Variants in SYT6 observed in about 807,000 individuals in gnomAD.
SYT6 encodes synaptotagmin-6.
In SYT6, 24 loss-of-function variants were observed where a neutral mutation model predicts 38.4. The observed-to-expected ratio is 0.62, with a 90% CI of 0.45 to 0.88. SYT6 has a LOEUF of 0.88. Ranked by LOEUF, SYT6 falls within the 40% of genes least tolerant of loss-of-function variation. SYT6 has a pLI of 0.00. For synonymous variants in SYT6, 265 were observed against 241.9 expected (o/e 1.10, Z -0.89); for missense variants, 611 against 621.0 (o/e 0.98, Z 0.17).
At chr1:114,139,580 G>A (rs1678726181) in intron 2 of SYT6, 35 bp downstream of exon 2, 2 of 1,612,790 alleles carry the variant, frequency 1.2e-6, no homozygotes, top group Non-Finnish European at 1.7e-6. Context: ...GTGTGGAGGT[G>A]TGGGGGTCAG....
At chr1:114,115,526 C>T (rs1676942514) in intron 3 of SYT6, among the ~76,000 whole-genome samples, 1 of 151,748 alleles carries the variant, frequency 6.6e-6, no homozygotes, top group Admixed American at 6.6e-5. Context: ...AAGCAATTCT[C>T]CTGCCTCAGC....
At chr1:114,098,743 A>T (rs142982711) in intron 5 of SYT6, among the ~76,000 whole-genome samples, 76 of 152,358 alleles carry the variant, frequency 5.0e-4, no homozygotes, top group African/African-American at 1.8e-3. Context: ...CCAGGGTGAC[A>T]GTAGTAGCAA....
chr1:114,127,156 G>T (rs1309285287), intron 3 of SYT6, among the ~76,000 whole-genome samples: 1 of 152,188 alleles, frequency 6.6e-6, no homozygotes, highest in Non-Finnish European at 1.5e-5. Flanking sequence ...TAGCCCCCTG[G>T]AGCCAAGAAC....
At chr1:114,134,460 C>A (rs1397365830) in intron 3 of SYT6, among the ~76,000 whole-genome samples, 3 of 152,136 alleles carry the variant, frequency 2.0e-5, no homozygotes, top group Non-Finnish European at 4.4e-5. Flanking sequence ...AGGGAAAATA[C>A]AAGAGAAAGT....
At chr1:114,146,798 T>C (rs1679179909) in intron 1 of SYT6, among the ~76,000 whole-genome samples, 1 of 152,246 alleles carries the variant, frequency 6.6e-6, no homozygotes, top group Admixed American at 6.5e-5. Context: ...CTACTAGTTT[T>C]AAACTGTGAC....
intron 3 of SYT6, among the ~76,000 whole-genome samples, chr1:114,117,059 G>A (rs1872477): frequency 0.041 from 6,305 of 152,272 alleles, 571 homozygotes; most frequent in East Asian, 0.38. Context: ...TGCTACAGGA[G>A]TTTTAGTATA....
At chr1:114,136,508 C>A (rs1201472310) in intron 3 of SYT6, among the ~76,000 whole-genome samples, 1 of 152,182 alleles carries the variant, frequency 6.6e-6, no homozygotes, top group African/African-American at 2.4e-5. Flanking sequence ...TACACAGCTT[C>A]CTCAACCCAG....
intron 6 of SYT6, among the ~76,000 whole-genome samples, chr1:114,096,518 G>T (rs1241647407): frequency 6.6e-6 from 1 of 152,140 alleles, no homozygotes; most frequent in Non-Finnish European, 1.5e-5. Flanking sequence ...AACAACTGAG[G>T]TCCTTATCAC....
At chr1:114,116,364 C>A (rs879924395) in intron 3 of SYT6, among the ~76,000 whole-genome samples, 3 of 152,160 alleles carry the variant, frequency 2.0e-5, no homozygotes, top group African/African-American at 7.2e-5. Context: ...GGAAGAACCC[C>A]GGGCCCTCTC....
At chr1:114,149,011 G>A (rs1313463396) in intron 1 of SYT6, among the ~76,000 whole-genome samples, 2 of 152,158 alleles carry the variant, frequency 1.3e-5, no homozygotes, top group East Asian at 3.9e-4. Context: ...GAGGATGGGA[G>A]GGATACTCCC....
At chr1:114,148,732 A>G (rs926391738) in intron 1 of SYT6, among the ~76,000 whole-genome samples, 1 of 152,214 alleles carries the variant, frequency 6.6e-6, no homozygotes, top group Admixed American at 6.5e-5. Context: ...TGCCCTTTAC[A>G]TTATCTAATT....
chr1:114,102,023 A>T (rs766803214), intron 4 of SYT6, among the ~76,000 whole-genome samples: 30 of 152,290 alleles, frequency 2.0e-4, no homozygotes, highest in Non-Finnish European at 2.5e-4. Flanking sequence ...GCAAGAACAA[A>T]ATCTCACACC....
intron 3 of SYT6, among the ~76,000 whole-genome samples, chr1:114,121,695 T>C (rs1677410152): frequency 1.3e-5 from 2 of 152,252 alleles, no homozygotes. Flanking sequence ...CTCTGCTCTA[T>C]CATTTTAAAA....
intron 3 of SYT6, among the ~76,000 whole-genome samples, chr1:114,122,506 T>TATGTGTGTGTGTGTGCGCGC (rs1553181982): frequency 1.4e-5 from 2 of 147,288 alleles, no homozygotes; most frequent in African/African-American, 2.5e-5. Flanking sequence ...TGTGTGTGTG[T>TATGTGTGTGTGTGTGCGCGC]GCGCGCACAT....
intron 7 of SYT6, among the ~76,000 whole-genome samples, chr1:114,092,870 T>G (rs192984841): frequency 6.6e-6 from 1 of 152,300 alleles, no homozygotes; most frequent in East Asian, 1.9e-4. Flanking sequence ...TCTGACCCCA[T>G]GAATATTCTT....
At chr1:114,102,679 C>T (rs922210984) in intron 4 of SYT6, among the ~76,000 whole-genome samples, 5 of 152,158 alleles carry the variant, frequency 3.3e-5, no homozygotes, top group Admixed American at 6.5e-5. Context: ...AGTGGTTTTA[C>T]GTTGGTAATC....
chr1:114,116,877 G>A (rs1677029554), intron 3 of SYT6, among the ~76,000 whole-genome samples: 1 of 152,160 alleles, frequency 6.6e-6, no homozygotes, highest in Non-Finnish European at 1.5e-5. Context: ...TAATTTAGAG[G>A]TTATGCCTTC....
At chr1:114,097,570 C>T (rs1381477067) in intron 6 of SYT6, among the ~76,000 whole-genome samples, 157 bp downstream of exon 6, 1 of 152,220 alleles carries the variant, frequency 6.6e-6, no homozygotes, top group Admixed American at 6.5e-5. Flanking sequence ...CCTTCTTCCT[C>T]CATTTCCTTT....
chr1:114,129,627 TTCTTTCTTTCTTTC>T (rs1232992319), intron 3 of SYT6, among the ~76,000 whole-genome samples: 5 of 143,034 alleles, frequency 3.5e-5, no homozygotes, highest in African/African-American at 1.3e-4. Flanking sequence ...CTTTCTTTCT[TTCTTTCTTTCTTTC>T]TCTTTCTTTC....
Sources: gnomAD v4.1 joint callset for allele counts (sites outside exome capture counted in the v4.1 genomes callset) on GRCh38, gnomAD v4.1.1 for gene constraint, MANE v1.5 for transcripts, NCBI Gene and HGNC (gene_info 2026-07-23, HGNC 2026-07-21) for gene names.